CEP76: variants seen among roughly 807,000 people sequenced by gnomAD.
The protein encoded by CEP76 is centrosomal protein 76.
In CEP76, 55 loss-of-function variants were observed where a neutral mutation model predicts 83.3. The observed-to-expected ratio is 0.66, with a 90% CI of 0.53 to 0.83. The LOEUF (loss-of-function observed/expected upper bound fraction) is 0.83. Among genes scored for constraint, CEP76 ranks in the 40% least tolerant of loss-of-function variants. The pLI is 0.00. For synonymous variants in CEP76, 270 were observed against 274.5 expected (o/e 0.98, Z 0.16); for missense variants, 694 against 799.5 (o/e 0.87, Z 1.59).
At chr18:12,691,287 TAAATGAAATTTACACACATA>T in intron 7 of CEP76, 52 bp downstream of exon 7, 6 of 942,528 alleles carry the variant, frequency 6.4e-6, no homozygotes, top group Non-Finnish European at 9.3e-6. Flanking sequence ...AAATAAATAT[TAAATGAAATTTACACACATA>T]ACAGTAAATC....
chr18:12,689,338 G>A (rs1158261376), intron 7 of CEP76, among the ~76,000 whole-genome samples: 2 of 152,136 alleles, frequency 1.3e-5, no homozygotes, highest in African/African-American at 4.8e-5. Context: ...TTTACTCTAT[G>A]TATATGGAAA....
chr18:12,670,983 A>G (rs1478791016), downstream of CEP76: 5 of 152,162 alleles, frequency 3.3e-5, no homozygotes, highest in African/African-American at 1.2e-4. Context: ...AATTTTCTAC[A>G]GTCATGTCAG....
At chr18:12,668,225 A>G (rs1432568339), downstream of CEP76, among the ~76,000 whole-genome samples, 2 of 152,066 alleles carry the variant, frequency 1.3e-5, no homozygotes, top group Non-Finnish European at 2.9e-5. Flanking sequence ...AGATTGCACC[A>G]CTGCACTCCA....
Position 12,691,875 on chromosome 18 carries a change from T to C in CEP76, c.805-388A>G, listed in dbSNP as rs146008641. 8.9e-3 allele frequency among the ~76,000 whole-genome samples: 1,344 copies of C among 151,822 alleles called. 28 individuals are homozygous for C. The highest frequency in any genetic ancestry group is 0.03 in the African/African-American group (1,237 of 41,442). On this transcript the variant is annotated intron_variant, in intron 6 of 11. Transcript: ENST00000262127. ...GGACTACAGGCACGTGCCACCACAC[T>C]CAGCTAAATTTTTTTTTGTATTTTT... is the stretch of plus-strand genomic sequence containing the variant.
Position 12,702,500 on chromosome 18 carries a change from G to A in CEP76, c.49C>T (p.Gln17Ter), listed in dbSNP as rs754604227. The A allele has an allele frequency of 1.2e-6, 2 of 1,609,656 alleles. No homozygotes were observed. The highest frequency in any genetic ancestry group is 1.7e-6 in the Non-Finnish European group (2 of 1,178,304). Reference sequence around the variant, plus strand: ...GCGACTCTCACCTTGCTCAGCTGCTGGTGGATGAGCTGCTTCAGCTCGGAG... The same window carrying A: ...GCGACTCTCACCTTGCTCAGCTGCTAGTGGATGAGCTGCTTCAGCTCGGAG... ...KASELKQLIH[Q>*]QLSKMDVHGR... Residue 17 changes from glutamine (Q) to a stop codon, truncating the protein, a stop_gained, in exon 1 of 12, where the codon CAG (glutamine) becomes TAG (stop). Coordinates refer to ENST00000262127, the MANE Select transcript of CEP76 (RefSeq NM_024899.4). LOFTEE classifies it high-confidence loss of function.
In CEP76 at chr18:12,674,621, C is replaced by G. The variant is rs2039055872; in HGVS notation, c.1756G>C (p.Ala586Pro). Residue 586 changes from alanine (A) to proline (P), a missense_variant, in exon 11 of 12, where the codon GCT becomes CCT. Transcript: ENST00000262127. The stretch of plus-strand genomic sequence containing the variant: ...TTAAATGTGTGACCATCAGGTACAG[C>G]CCTTCTTATGGCATCTTGAAATTCT... ...NEEFQDAIRR[A>P]VPDGHTFKGF... is the part of the protein sequence containing the mutation. 1 of 1,613,976 alleles carries G rather than the reference C, an allele frequency of 6.2e-7. No individual in the cohort carries two copies. The highest frequency in any genetic ancestry group is 8.5e-7 in the Non-Finnish European group (1 of 1,179,940).
chr18:12,702,589 G>T lies in CEP76; in HGVS notation c.-41C>A, dbSNP rs760560267. The T allele has an allele frequency of 6.3e-7, 1 of 1,587,274 alleles. No individual in the cohort carries two copies. The highest frequency in any genetic ancestry group is 8.5e-7 in the Non-Finnish European group (1 of 1,170,882). On this transcript the variant is annotated 5_prime_UTR_variant, in exon 1 of 12. In the 5' UTR this introduces an upstream ATG that the reference lacks. Transcript: ENST00000262127. The stretch of plus-strand genomic sequence containing the variant: ...CTCCCCGCCGCTTCTCCCCGCCTCA[G>T]ATGCCCTAACTGCGCGGCCCCGGCC...
At chr18:12,666,436 G>GTAT (rs1555640544) in intron 12 of CEP76, among the ~76,000 whole-genome samples, 3,083 of 126,594 alleles carry the variant, frequency 0.024, 165 homozygotes, top group African/African-American at 0.084. Flanking sequence ...AAATTTTATG[G>GTAT]TTTTTTTTTT....
chr18:12,699,908 A>G lies in CEP76; in HGVS notation c.220-3T>C, dbSNP rs374262326. 978 of 1,572,516 alleles carry G rather than the reference A, an allele frequency of 6.2e-4. 1 individual carries two copies. The highest frequency in any genetic ancestry group is 1.3e-3 in the Admixed American group (67 of 52,902). On this transcript the variant is annotated splice_region_variant and splice_polypyrimidine_tract_variant and intron_variant, in intron 2 of 11. Transcript: ENST00000262127. ...GGGAGTTCTTGCTCAACACTGTCCT[A>G]GAAAGGCAGGAAAAAAAAATCAAAA...
At chr18:12,696,715 G>A (rs1249517014) in intron 5 of CEP76, among the ~76,000 whole-genome samples, 1 of 152,064 alleles carries the variant, frequency 6.6e-6, no homozygotes, top group African/African-American at 2.4e-5. Context: ...AAATAAGATA[G>A]GCACCAGCTC....
chr18:12,693,966 G>A (rs1013582437), intron 6 of CEP76, among the ~76,000 whole-genome samples: 1 of 151,940 alleles, frequency 6.6e-6, no homozygotes, highest in African/African-American at 2.4e-5. Flanking sequence ...CAAGCAGCTG[G>A]GACTACAAGT....
intron 12 of CEP76, chr18:12,665,253 A>C (rs1402473232): frequency 6.6e-6 from 1 of 152,150 alleles, no homozygotes; most frequent in Non-Finnish European, 1.5e-5. Context: ...TTGCCTTAGT[A>C]ATTTTTGTAG....
chr18:12,694,922 A>T (rs942524761), intron 6 of CEP76, among the ~76,000 whole-genome samples: 1 of 150,136 alleles, frequency 6.7e-6, no homozygotes, highest in Non-Finnish European at 1.5e-5. Flanking sequence ...TCACCGTGTT[A>T]GCCAGGATGG....
intron 10 of CEP76, 122 bp downstream of exon 10, chr18:12,677,987 A>G: frequency 1.5e-6 from 1 of 684,442 alleles, no homozygotes; most frequent in Non-Finnish European, 2.5e-6. Context: ...TCATAATAGT[A>G]GGGACTGTAG....
chr18:12,698,686 A>C (rs1335829086), intron 4 of CEP76: 1 of 279,374 alleles, frequency 3.6e-6, no homozygotes, highest in African/African-American at 2.2e-5. Flanking sequence ...TTTCCACTAT[A>C]TCATCCCAGC....
At chr18:12,701,327 A>C (rs45596833) in intron 1 of CEP76, among the ~76,000 whole-genome samples, 37,460 of 151,916 alleles carry the variant, frequency 0.25, 5,124 homozygotes, top group Non-Finnish European at 0.32. Flanking sequence ...ATTTCTCCAC[A>C]AACAACACTC....
chr18:12,678,031 C>T lies in CEP76; in HGVS notation c.1623+78G>A, dbSNP rs141700810. ...TTCAGGGCTAGAATAGTGACTGGCA[C>T]TATCACACACACCAAAAAACAGTTA... On this transcript the variant is annotated intron_variant, in intron 10 of 11. Transcript: ENST00000262127. 7.7e-4 allele frequency: 871 copies of T among 1,127,966 alleles called. 5 individuals are homozygous for T. In the African/African-American group the frequency reaches 0.012, roughly 15 times the overall value. 69.9% of individuals were successfully genotyped at this position (1,127,966 alleles called of 1,614,324 possible). A position where few individuals can be genotyped will look rare whatever the true frequency, so the allele number is the denominator to read the frequency against.
At chr18:12,680,125 T>C (rs1206838130) in intron 9 of CEP76, among the ~76,000 whole-genome samples, 1 of 152,102 alleles carries the variant, frequency 6.6e-6, no homozygotes, top group East Asian at 1.9e-4. Flanking sequence ...ATTTACTGTT[T>C]ACCAACATCA....
At chr18:12,675,663 ATTTTT>A (rs1476770681) in intron 10 of CEP76, among the ~76,000 whole-genome samples, 1 of 151,604 alleles carries the variant, frequency 6.6e-6, no homozygotes, top group Non-Finnish European at 1.5e-5. Context: ...GATTCCATTT[ATTTTT>A]TATTTTTTTA....
Sources: allele counts gnomAD v4.1 joint callset (sites outside exome capture counted in the v4.1 genomes callset), GRCh38; gene constraint gnomAD v4.1.1; transcripts MANE v1.5; gene names NCBI Gene and HGNC (gene_info 2026-07-23, HGNC 2026-07-21).